The following FLNB variants were observed in gnomAD, a reference collection of about 807,000 sequenced individuals.
FLNB encodes the protein filamin B, also known as filamin-B.
Under a neutral mutation model 250.6 loss-of-function variants are expected in FLNB, and 111 were observed. The ratio of observed to expected loss-of-function variants is 0.44; its 90% confidence interval spans 0.38 to 0.52. The LOEUF is 0.52. FLNB is among the 20% of genes least tolerant of loss of function. The pLI is 0.00. For synonymous variants in FLNB, 1,302 were observed against 1,372.1 expected, an observed-to-expected ratio of 0.95 and a Z score of 1.13; for missense variants, 2,869 against 3,447.8, an observed-to-expected ratio of 0.83 and a Z score of 4.20.
At chr3:58,112,435 C>G (rs1028920255) in intron 18 of FLNB, 117 bp downstream of exon 18, 7 of 1,049,178 alleles carry the variant, frequency 6.7e-6, no homozygotes, top group Non-Finnish European at 1.0e-5. Flanking sequence ...AAAGTGCTCC[C>G]TGATGGGAGG....
chr3:58,150,487 G>T, intron 38 of FLNB: 1 of 536,502 alleles, frequency 1.9e-6, no homozygotes, highest in Non-Finnish European at 3.3e-6. Context: ...TGGGGGAAAC[G>T]TAGATATGCT....
At chr3:58,084,798 C>T (rs2106984328) in intron 4 of FLNB, among the ~76,000 whole-genome samples, 1 of 152,238 alleles carries the variant, frequency 6.6e-6, no homozygotes, top group South Asian at 2.1e-4. Context: ...AACCTTTATT[C>T]TACTCCCTGT....
chr3:58,103,265 G>GTGTGTGTGTGTGTGTGT (rs2097253949), intron 9 of FLNB, among the ~76,000 whole-genome samples: 1 of 148,064 alleles, frequency 6.8e-6, no homozygotes, highest in Admixed American at 6.7e-5. Context: ...AGCCAAGGAG[G>GTGTGTGTGTGTGTGTGT]GTGTGTGTGT....
At chr3:58,066,799 G>A (rs1353629522) in intron 1 of FLNB, among the ~76,000 whole-genome samples, 1 of 152,104 alleles carries the variant, frequency 6.6e-6, no homozygotes. Flanking sequence ...CCAGAAATAG[G>A]GTGTTTGGGA....
chr3:58,062,609 G>T (rs1296812735), intron 1 of FLNB, among the ~76,000 whole-genome samples: 2 of 152,336 alleles, frequency 1.3e-5, no homozygotes, highest in East Asian at 1.9e-4. Flanking sequence ...AGTGGCCCCA[G>T]CCTGGCCCCT....
chr3:58,096,505 T>C (rs1206315106), intron 6 of FLNB, among the ~76,000 whole-genome samples: 1 of 152,092 alleles, frequency 6.6e-6, no homozygotes, highest in East Asian at 1.9e-4. Flanking sequence ...AGATGGGTTC[T>C]TTGTCCTTGA....
chr3:58,031,475 C>A (rs1458576092), intron 1 of FLNB, among the ~76,000 whole-genome samples: 1 of 149,076 alleles, frequency 6.7e-6, no homozygotes, highest in Admixed American at 6.8e-5. Flanking sequence ...ATCTGCTGAC[C>A]TTGTGATCTG....
chr3:58,044,493 C>T lies in FLNB; in HGVS notation c.293-32553C>T, dbSNP rs578062677. Among the ~76,000 whole-genome samples the T allele has an allele frequency of 2.1e-4, 32 of 152,128 alleles. No homozygotes were observed. The South Asian group carries it at 6.0e-3, about 29-fold the overall frequency. On this transcript the variant is annotated intron_variant, in intron 1 of 45. Coordinates refer to ENST00000295956, the MANE Select transcript of FLNB (RefSeq NM_001457.4). The stretch of plus-strand genomic sequence containing the variant: ...CACAACAATTAGCCAGGCATGATGG[C>T]GCACACCAGTAGTCCCAGCTACTCA...
At chr3:58,025,133 C>CTTTT (rs57706596) in intron 1 of FLNB, among the ~76,000 whole-genome samples, 1,608 of 116,534 alleles carry the variant, frequency 0.014, 114 homozygotes, top group African/African-American at 0.049. Flanking sequence ...TTCTTTCTTT[C>CTTTT]TTTTTTTTTT....
At chr3:58,130,489 G>T (rs1157049240) in intron 24 of FLNB, among the ~76,000 whole-genome samples, 1 of 152,170 alleles carries the variant, frequency 6.6e-6, no homozygotes, top group African/African-American at 2.4e-5. Context: ...TTCTCCTGCA[G>T]TTGTGGGTTC....
chr3:58,083,036 C>T (rs1054314648), intron 4 of FLNB, among the ~76,000 whole-genome samples: 2 of 152,164 alleles, frequency 1.3e-5, no homozygotes, highest in African/African-American at 4.8e-5. Context: ...AGCATAACCA[C>T]AGTATTCATT....
chr3:58,138,208 T>G (rs2097319851), intron 28 of FLNB, 74 bp from the exon 29 acceptor site: 1 of 1,594,272 alleles, frequency 6.3e-7, no homozygotes, highest in Non-Finnish European at 8.6e-7. Context: ...ACAACATGGA[T>G]GGGTATGATT....
intron 1 of FLNB, among the ~76,000 whole-genome samples, chr3:58,025,014 C>CTT (rs60873331): frequency 5.2e-5 from 7 of 134,884 alleles, no homozygotes; most frequent in East Asian, 4.3e-4. Flanking sequence ...CCCAGCCTTC[C>CTT]TTTTTTTTTT....
chr3:58,063,964 G>T (rs1576656400), intron 1 of FLNB, among the ~76,000 whole-genome samples: 1 of 151,888 alleles, frequency 6.6e-6, no homozygotes, highest in South Asian at 2.1e-4. Flanking sequence ...AAAGCCAAAA[G>T]GTTTTTTTTT....
Position 58,019,027 on chromosome 3 carries a change from C to T in FLNB, c.292+10171C>T, listed in dbSNP as rs540592208. 4.0e-4 allele frequency among the ~76,000 whole-genome samples: 61 copies of T among 150,666 alleles called. 2 individuals are homozygous for T. In the South Asian group the frequency reaches 0.012, roughly 30 times the overall value. ...GCACAAGCCTACATAGTTGTAGCTG[C>T]TTGGGAGGCTGAGTTGGGAGGATAG... On this transcript the variant is annotated intron_variant, in intron 1 of 45. Coordinates refer to ENST00000295956, the MANE Select transcript of FLNB (RefSeq NM_001457.4).
chr3:58,104,986 A>G (rs2097257318), intron 10 of FLNB, 94 bp from the exon 11 acceptor site: 2 of 1,539,848 alleles, frequency 1.3e-6, no homozygotes, highest in Non-Finnish European at 1.8e-6. Flanking sequence ...GGATCAGGCA[A>G]GTGGAAAGAA....
intron 25 of FLNB, chr3:58,132,064 T>G (rs773774996): frequency 3.8e-5 from 49 of 1,296,784 alleles, no homozygotes; most frequent in Non-Finnish European, 4.8e-5. Flanking sequence ...CCCAAATGCT[T>G]CTTGCTGGCC....
chr3:58,132,798 C>A lies in FLNB; in HGVS notation c.4391-10C>A, dbSNP rs756827057. 1 of 1,614,146 alleles carries A rather than the reference C, an allele frequency of 6.2e-7. No individual in the cohort carries two copies. The highest frequency in any genetic ancestry group is 2.2e-5 in the East Asian group (1 of 44,882). On this transcript the variant is annotated splice_polypyrimidine_tract_variant and intron_variant, in intron 25 of 45. Coordinates refer to ENST00000295956, the MANE Select transcript of FLNB (RefSeq NM_001457.4). ...AGGCAGCTCCTTAAACCTCTCATCT[C>A]TGTCCTCAGGCTTGGTGGAGCCAGT... is the stretch of plus-strand genomic sequence containing the variant.
At chr3:58,124,066 G>T (rs1400786633) in intron 21 of FLNB, among the ~76,000 whole-genome samples, 1 of 152,188 alleles carries the variant, frequency 6.6e-6, no homozygotes, top group African/African-American at 2.4e-5. Flanking sequence ...ACACCTGCAT[G>T]CCACACAGCA....
Sources: gnomAD v4.1 joint callset for allele counts (sites outside exome capture counted in the v4.1 genomes callset) on GRCh38, gnomAD v4.1.1 for gene constraint, MANE v1.5 for transcripts, NCBI Gene and HGNC (gene_info 2026-07-23, HGNC 2026-07-21) for gene names.